Variants in TLL1 observed in about 807,000 individuals in gnomAD.
The protein encoded by TLL1 is tolloid-like protein 1.
A neutral mutation model predicts 128.2 loss-of-function variants in TLL1; 49 were observed. The ratio of observed to expected loss-of-function variants is 0.38; its 90% CI spans 0.30 to 0.48. The LOEUF (loss-of-function observed/expected upper bound fraction) is 0.48, where lower values mean the gene tolerates loss of function less well. Ranked by LOEUF, TLL1 falls within the 20% of genes least tolerant of loss-of-function variation. The probability of loss-of-function intolerance (pLI) is 0.96; values close to 1 mark genes in which losing one functional copy is unlikely to be tolerated. For synonymous variants in TLL1, 454 were observed against 418.8 expected, an observed-to-expected ratio of 1.08 and a Z score of -1.03; for missense variants, 1,123 against 1,242.0, an observed-to-expected ratio of 0.90 and a Z score of 1.44.
intron 4 of TLL1, 148 bp downstream of exon 4, chr4:165,994,681 G>C (rs536568294): frequency 2.2e-6 from 2 of 917,782 alleles, no homozygotes; most frequent in Non-Finnish European, 3.3e-6. Flanking sequence ...TATTAGTGTA[G>C]AGTGTCTTTG....
At chr4:166,013,896 GT>G (rs537029284) in intron 7 of TLL1, among the ~76,000 whole-genome samples, 87 of 149,856 alleles carry the variant, frequency 5.8e-4, no homozygotes, top group Middle Eastern at 3.4e-3. Flanking sequence ...GGCATTCTTT[GT>G]TTTTTTTTAT....
intron 1 of TLL1, among the ~76,000 whole-genome samples, chr4:165,983,465 C>T (rs1289290030): frequency 6.6e-6 from 1 of 151,834 alleles, no homozygotes; most frequent in African/African-American, 2.4e-5. Context: ...TTTGATTCAT[C>T]TTGAAACTAA....
intron 1 of TLL1, among the ~76,000 whole-genome samples, chr4:165,939,540 T>C (rs1231264822): frequency 3.3e-5 from 5 of 152,008 alleles, no homozygotes; most frequent in Non-Finnish European, 7.4e-5. Flanking sequence ...GACCCACTGT[T>C]TTTCACAGCG....
chr4:166,082,310 C>A (rs890521444), intron 18 of TLL1, among the ~76,000 whole-genome samples: 12 of 152,104 alleles, frequency 7.9e-5, no homozygotes, highest in African/African-American at 2.4e-4. Context: ...ATCCTAAGAG[C>A]CAGGGTTAGT....
chr4:165,902,807 G>T (rs933831184), intron 1 of TLL1, among the ~76,000 whole-genome samples: 1 of 152,146 alleles, frequency 6.6e-6, no homozygotes, highest in African/African-American at 2.4e-5. Context: ...CCCCCAAAAT[G>T]TTGATACATA....
At chr4:166,046,255 A>G (rs1220388318) in intron 12 of TLL1, among the ~76,000 whole-genome samples, 1 of 152,216 alleles carries the variant, frequency 6.6e-6, no homozygotes, top group Non-Finnish European at 1.5e-5. Context: ...AAGGCATGTA[A>G]GTTTCCATGC....
chr4:165,945,953 G>T (rs193012566), intron 1 of TLL1, among the ~76,000 whole-genome samples: 2 of 152,118 alleles, frequency 1.3e-5, no homozygotes, highest in African/African-American at 2.4e-5. Context: ...ATCACATAAA[G>T]CTCTTAAAAG....
chr4:166,062,831 T>C (rs1434159408), intron 15 of TLL1, among the ~76,000 whole-genome samples: 1 of 152,174 alleles, frequency 6.6e-6, no homozygotes, highest in Non-Finnish European at 1.5e-5. Flanking sequence ...ATTTTGCCCA[T>C]TCAGTATGAT....
rs143780079 is a variant in TLL1, at chr4:166,018,224, C to T, written c.1042+3664C>T. 6.9e-3 allele frequency among the ~76,000 whole-genome samples: 1,050 copies of T among 152,142 alleles called. 7 individuals carry two copies. The highest frequency in any genetic ancestry group is 0.024 in the African/African-American group (1,001 of 41,520). On this transcript the variant is annotated intron_variant, in intron 8 of 20. Coordinates refer to ENST00000061240, the MANE Select transcript of TLL1 (RefSeq NM_012464.5). ...GACTTCCTATTCAACAAATGGTACT[C>T]GGATACTTGGCTAACCATGTGCAGA...
At chr4:165,930,479 G>A (rs62327222) in intron 1 of TLL1, among the ~76,000 whole-genome samples, 11,450 of 151,922 alleles carry the variant, frequency 0.075, 577 homozygotes, top group Non-Finnish European at 0.12. Context: ...TTTAGAGCAG[G>A]GATAGCTAAA....
chr4:166,010,325 A>T (rs1737630668), intron 7 of TLL1, among the ~76,000 whole-genome samples: 2 of 151,220 alleles, frequency 1.3e-5, no homozygotes, highest in African/African-American at 4.8e-5. Flanking sequence ...TTTGAATAGT[A>T]GCCATTCTGA....
chr4:165,898,740 C>T (rs1731810733), intron 1 of TLL1, among the ~76,000 whole-genome samples: 1 of 152,180 alleles, frequency 6.6e-6, no homozygotes, highest in African/African-American at 2.4e-5. Flanking sequence ...ATACTGGCCT[C>T]ATAAAATGAG....
At chr4:165,883,698 A>T (rs538608501) in intron 1 of TLL1, among the ~76,000 whole-genome samples, 2 of 152,310 alleles carry the variant, frequency 1.3e-5, no homozygotes, top group East Asian at 3.9e-4. Flanking sequence ...TCTTTATGAA[A>T]TCATTTGTGG....
At chr4:165,967,205 C>T (rs553659550) in intron 1 of TLL1, among the ~76,000 whole-genome samples, 34 of 152,190 alleles carry the variant, frequency 2.2e-4, no homozygotes, top group Non-Finnish European at 3.5e-4. Flanking sequence ...TTATCTCCCT[C>T]GTTCCCTGAA....
intron 1 of TLL1, among the ~76,000 whole-genome samples, chr4:165,915,345 A>G (rs2110879153): frequency 6.6e-6 from 1 of 152,348 alleles, no homozygotes; most frequent in Admixed American, 6.5e-5. Context: ...CTATATAAAT[A>G]CTGAGAACAG....
intron 20 of TLL1, among the ~76,000 whole-genome samples, chr4:166,099,906 A>G (rs1742213154): frequency 6.6e-6 from 1 of 152,102 alleles, no homozygotes; most frequent in South Asian, 2.1e-4. Flanking sequence ...AAAAAATAAT[A>G]TGCACACCAT....
At chr4:166,059,176 A>G (rs1467898628) in intron 14 of TLL1, among the ~76,000 whole-genome samples, 1 of 152,046 alleles carries the variant, frequency 6.6e-6, no homozygotes, top group African/African-American at 2.4e-5. Flanking sequence ...GTTTGTATAT[A>G]CTTATAAATA....
intron 1 of TLL1, among the ~76,000 whole-genome samples, chr4:165,934,165 AT>A (rs1733659851): frequency 7.7e-6 from 1 of 129,780 alleles, no homozygotes; most frequent in Non-Finnish European, 1.6e-5. Context: ...CGCCCAGCTA[AT>A]TTTTTGCTTT....
rs902587072 is a variant in TLL1 at position 166,057,421 on chromosome 4, T to C, written c.1846+112T>C. 7.5e-6 allele frequency: 11 copies of C among 1,458,514 alleles called. No individual in the cohort carries two copies. In the African/African-American group the frequency reaches 1.4e-4, roughly 19 times the overall value. 90.3% of individuals were successfully genotyped at this position (1,458,514 alleles called of 1,614,324 possible). On this transcript the variant is annotated intron_variant, in intron 14 of 20. Coordinates refer to ENST00000061240, the MANE Select transcript of TLL1 (RefSeq NM_012464.5). The stretch of plus-strand genomic sequence containing the variant: ...TCCCTTTTTCCTATAGTGACCTCTT[T>C]CCTCAATTAGTAAGACTCAATTCAC...
Sources: allele counts gnomAD v4.1 joint callset (sites outside exome capture counted in the v4.1 genomes callset), GRCh38; gene constraint gnomAD v4.1.1; transcripts MANE v1.5; gene names NCBI Gene and HGNC (gene_info 2026-07-23, HGNC 2026-07-21).